NUAK1: variants seen among roughly 807,000 people sequenced by gnomAD.
NUAK1 encodes the protein NUAK family SNF1-like kinase 1.
A neutral mutation model predicts 56.9 loss-of-function variants in NUAK1; 26 were observed. The ratio of observed to expected loss-of-function variants is 0.46; its 90% CI spans 0.33 to 0.63. NUAK1 has a LOEUF of 0.63. Ranked by LOEUF, NUAK1 falls within the 30% of genes least tolerant of loss-of-function variation. The pLI, the probability that NUAK1 is intolerant of heterozygous loss-of-function variation, is 0.02. For missense variants in NUAK1, 727 were observed against 876.1 expected (o/e 0.83, Z 2.15); for synonymous variants, 337 against 336.0 (o/e 1.00, Z -0.03).
intron 6 of NUAK1, among the ~76,000 whole-genome samples, chr12:106,070,230 T>G (rs1467569168): frequency 6.6e-6 from 1 of 152,156 alleles, no homozygotes; most frequent in Non-Finnish European, 1.5e-5. Context: ...ATAAGAGCAC[T>G]TCCCAACCCA....
At chr12:106,097,700 G>A (rs1279363571) in intron 2 of NUAK1, among the ~76,000 whole-genome samples, 1 of 152,206 alleles carries the variant, frequency 6.6e-6, no homozygotes, top group Non-Finnish European at 1.5e-5. Context: ...GGAAGGTTTT[G>A]CTTCTAACCT....
At chr12:106,070,730 C>T in intron 6 of NUAK1, 44 bp downstream of exon 6, 1 of 1,611,490 alleles carries the variant, frequency 6.2e-7, no homozygotes, top group Non-Finnish European at 8.5e-7. Flanking sequence ...GTAAGCAGAT[C>T]TCTCTCCCCT....
At chr12:106,134,301 C>G (rs1226794925) in intron 1 of NUAK1, among the ~76,000 whole-genome samples, 1 of 152,258 alleles carries the variant, frequency 6.6e-6, no homozygotes, top group African/African-American at 2.4e-5. Flanking sequence ...CCTGGCTTGG[C>G]AGGCCAGTTT....
In NUAK1 at chr12:106,067,601, C is replaced by G; in HGVS notation, c.1187G>C (p.Arg396Thr). Reference protein sequence around the residue: ...PESPSKLSSKRPKGILKKRSN... With the variant: ...PESPSKLSSKTPKGILKKRSN... Reference sequence around the variant, plus strand: ...TCGCTTCTTCAGGATCCCCTTGGGCCTCTTAGAACTCAACTTGGATGGGCT... The same window carrying G: ...TCGCTTCTTCAGGATCCCCTTGGGCGTCTTAGAACTCAACTTGGATGGGCT... The change falls in exon 7 of 7, where the codon AGG becomes ACG. Residue 396 changes from arginine to threonine, a missense_variant. Transcript: ENST00000261402. This position sits in a 1 kb window ranked among gnomAD's most constrained non-coding sequence, Gnocchi z 6.0. 1 of 1,614,246 alleles carries G rather than the reference C, an allele frequency of 6.2e-7. No homozygotes were observed. Among genetic ancestry groups the G allele is most frequent in the Non-Finnish European group, 8.5e-7 (1 of 1,180,046 alleles).
intron 2 of NUAK1, among the ~76,000 whole-genome samples, chr12:106,091,917 C>T (rs989588691): frequency 6.6e-6 from 1 of 152,020 alleles, no homozygotes; most frequent in East Asian, 1.9e-4. Flanking sequence ...GGAACCAAGC[C>T]GGGGATGGTG....
chr12:106,069,941 C>T (rs932061482), intron 6 of NUAK1, among the ~76,000 whole-genome samples: 6 of 152,114 alleles, frequency 3.9e-5, no homozygotes, highest in East Asian at 1.9e-4. Context: ...AGCTCATGAC[C>T]GTGGTTGTCT....
intron 2 of NUAK1, among the ~76,000 whole-genome samples, chr12:106,090,436 T>C (rs2032624033): frequency 6.6e-6 from 1 of 152,214 alleles, no homozygotes; most frequent in African/African-American, 2.4e-5. Context: ...AGGCTTACCA[T>C]GTGCAGGCAC....
intron 1 of NUAK1, among the ~76,000 whole-genome samples, chr12:106,123,592 A>T (rs1263692228): frequency 6.6e-6 from 1 of 152,192 alleles, no homozygotes; most frequent in Non-Finnish European, 1.5e-5. Flanking sequence ...GTGCTATATC[A>T]AATGCCTCTC....
chr12:106,108,959 G>A (rs2032831986), intron 1 of NUAK1, among the ~76,000 whole-genome samples: 1 of 152,154 alleles, frequency 6.6e-6, no homozygotes, highest in South Asian at 2.1e-4. Flanking sequence ...GAAACTAAAA[G>A]GGCTCCATAA....
chr12:106,117,436 A>G (rs1026504198), intron 1 of NUAK1, among the ~76,000 whole-genome samples: 1 of 151,892 alleles, frequency 6.6e-6, no homozygotes, highest in Non-Finnish European at 1.5e-5. Flanking sequence ...TCAGCTATTC[A>G]TTTTCCCATT....
At chr12:106,096,163 T>A (rs1392558680) in intron 2 of NUAK1, among the ~76,000 whole-genome samples, 1 of 152,168 alleles carries the variant, frequency 6.6e-6, no homozygotes, top group African/African-American at 2.4e-5. Context: ...AGTCTTTTTT[T>A]TTTCTTTAAA....
intron 3 of NUAK1, among the ~76,000 whole-genome samples, chr12:106,084,240 G>C (rs192260372): frequency 8.2e-4 from 125 of 152,306 alleles, no homozygotes; most frequent in Admixed American, 1.3e-3. Flanking sequence ...TCCACTGTGT[G>C]AAAGCAATAT....
At chr12:106,089,317 G>A (rs2032609913) in intron 2 of NUAK1, among the ~76,000 whole-genome samples, 2 of 152,246 alleles carry the variant, frequency 1.3e-5, no homozygotes, top group Admixed American at 6.5e-5. Context: ...GTCGGGAGGT[G>A]TGAGCCACTT....
intron 1 of NUAK1, among the ~76,000 whole-genome samples, chr12:106,126,238 G>C (rs897598049): frequency 6.6e-6 from 1 of 152,170 alleles, no homozygotes; most frequent in Non-Finnish European, 1.5e-5. Context: ...ATCAAGAGGT[G>C]GGTGAACTCA....
chr12:106,070,806 C>A lies in NUAK1; in HGVS notation c.800G>T (p.Ser267Ile). Residue 267 changes from serine to isoleucine, a missense_variant, in exon 6 of 7, where the codon AGC (serine) becomes ATC (isoleucine). Physicochemically the swap from Ser to Ile is moderately radical, Grantham distance 142. Coordinates refer to ENST00000261402, the MANE Select transcript of NUAK1 (RefSeq NM_014840.3). ...CTGTGTTGGCTCCCGGTACTCTCCG[C>A]TGCTGATTTGCCGAATGAGGTTTTT... ...DHKNLIRQIS[S>I]GEYREPTQPS... The A allele has an allele frequency of 6.2e-7, 1 of 1,614,210 alleles. No homozygotes were observed. Among genetic ancestry groups the A allele is most frequent in the Non-Finnish European group, 8.5e-7 (1 of 1,180,034 alleles).
intron 1 of NUAK1, among the ~76,000 whole-genome samples, chr12:106,136,665 C>T (rs904567511): frequency 1.3e-5 from 2 of 152,178 alleles, no homozygotes; most frequent in African/African-American, 4.8e-5. Context: ...TTCAACAACC[C>T]CTCATAGCCT....
chr12:106,130,069 C>T lies in NUAK1; in HGVS notation c.240+8345G>A, dbSNP rs548959553. 5.3e-5 allele frequency among the ~76,000 whole-genome samples: 8 copies of T among 152,248 alleles called. No homozygotes were observed. In the South Asian group the frequency reaches 1.5e-3, roughly 28 times the overall value. ...CGATCCTGACTCACTGCAACCTCCG[C>T]CTCACAGGTTCAAGCGATTCTCCTG... On this transcript the variant is annotated intron_variant, in intron 1 of 6. Coordinates refer to ENST00000261402, the MANE Select transcript of NUAK1 (RefSeq NM_014840.3).
Position 106,067,718 on chromosome 12 carries a change from G to A in NUAK1, c.1070C>T (p.Thr357Ile). The change falls in exon 7 of 7, where the codon ACC becomes ATC. Residue 357 changes from threonine (T) to isoleucine (I), a missense_variant. Thr to Ile is a moderately conservative substitution (Grantham distance 89). Coordinates refer to ENST00000261402, the MANE Select transcript of NUAK1 (RefSeq NM_014840.3). The surrounding 1 kb of genome is among the most constrained non-coding windows in gnomAD (Gnocchi z 6.0). The stretch of plus-strand genomic sequence containing the variant: ...CTGCCGCTCTAGCATGACCTCAGAG[G>A]TCGTGGGTTTGGCCAGGCCCTTCAT... ...AKMKGLAKPT[T>I]SEVMLERQRS... 6.2e-7 allele frequency: 1 copy of A among 1,614,200 alleles called. No individual in the cohort carries two copies. The highest frequency in any genetic ancestry group is 8.5e-7 in the Non-Finnish European group (1 of 1,180,030).
chr12:106,137,840 T>G (rs1288412718), intron 1 of NUAK1, among the ~76,000 whole-genome samples: 1 of 152,240 alleles, frequency 6.6e-6, no homozygotes, highest in Non-Finnish European at 1.5e-5. Flanking sequence ...GTAGTCTTTA[T>G]TTTTGCTCCC....
Sources: gnomAD v4.1 joint callset for allele counts (sites outside exome capture counted in the v4.1 genomes callset) on GRCh38, gnomAD v4.1.1 for gene constraint, Gnocchi (gnomAD v3.1) non-coding constraint, MANE v1.5 for transcripts, NCBI Gene and HGNC (gene_info 2026-07-23, HGNC 2026-07-21) for gene names.